LAMA3: variants seen among roughly 807,000 people sequenced by gnomAD.
LAMA3 encodes the protein laminin subunit alpha-3.
Under a neutral mutation model 402.0 loss-of-function variants are expected in LAMA3, and 281 were observed. The ratio of observed to expected loss-of-function variants is 0.70; its 90% CI spans 0.63 to 0.77. The LOEUF is 0.77. LAMA3 is among the 30% of genes least tolerant of loss of function. The pLI, the probability that LAMA3 is intolerant of heterozygous loss-of-function variation, is 0.00. For missense variants in LAMA3, 3,840 were observed against 4,215.5 expected (o/e 0.91, Z 2.47); for synonymous variants, 1,431 against 1,558.4 (o/e 0.92, Z 1.93).
At chr18:23,912,428 A>G (rs2081464078) in intron 55 of LAMA3, among the ~76,000 whole-genome samples, 1 of 152,170 alleles carries the variant, frequency 6.6e-6, no homozygotes, top group African/African-American at 2.4e-5. Context: ...CATTATCATT[A>G]TTATTATTGC....
At chr18:23,858,365 T>A (rs1374556528) in intron 33 of LAMA3, among the ~76,000 whole-genome samples, 1 of 152,136 alleles carries the variant, frequency 6.6e-6, no homozygotes, top group Non-Finnish European at 1.5e-5. Context: ...GACCTTCCAA[T>A]TCCCAGGAGA....
chr18:23,714,218 C>T, intron 2 of LAMA3, 146 bp downstream of exon 2: 4 of 882,422 alleles, frequency 4.5e-6, no homozygotes, highest in Non-Finnish European at 6.9e-6. Flanking sequence ...TTAACATTTG[C>T]TTCCCTTAAA....
At chr18:23,827,264 G>C in intron 22 of LAMA3, 50 bp from the exon 23 acceptor site, 1 of 1,591,662 alleles carries the variant, frequency 6.3e-7, no homozygotes, top group Admixed American at 1.7e-5. Context: ...TATTCCGTTT[G>C]ATGTTCTCAG....
intron 29 of LAMA3, among the ~76,000 whole-genome samples, chr18:23,843,648 GC>G (rs1170604120): frequency 2.0e-5 from 3 of 152,142 alleles, no homozygotes; most frequent in Non-Finnish European, 4.4e-5. Flanking sequence ...ATTAGAGCAT[GC>G]CCTGTGACCC....
intron 35 of LAMA3, among the ~76,000 whole-genome samples, chr18:23,863,440 A>G (rs2064274872): frequency 2.0e-5 from 3 of 152,210 alleles, no homozygotes; most frequent in African/African-American, 7.2e-5. Context: ...GCGAGACTCC[A>G]TCTCAACAAA....
At chr18:23,804,717 G>C (rs1310987868) in intron 12 of LAMA3, among the ~76,000 whole-genome samples, 1 of 152,174 alleles carries the variant, frequency 6.6e-6, no homozygotes, top group Non-Finnish European at 1.5e-5. Flanking sequence ...GTGGGGCCTG[G>C]TGGGAGGTGT....
chr18:23,914,228 C>A (rs964464990), intron 56 of LAMA3, among the ~76,000 whole-genome samples, 182 bp from the exon 57 acceptor site: 2 of 152,208 alleles, frequency 1.3e-5, no homozygotes, highest in Non-Finnish European at 2.9e-5. Flanking sequence ...GCAGAGACAG[C>A]TCTCACATTA....
intron 21 of LAMA3, among the ~76,000 whole-genome samples, chr18:23,826,380 C>T (rs2063382307): frequency 6.6e-6 from 1 of 152,218 alleles, no homozygotes; most frequent in African/African-American, 2.4e-5. Flanking sequence ...TTCCACAGAA[C>T]ATTTCATCAG....
chr18:23,717,350 G>C (rs2061119505), intron 2 of LAMA3, among the ~76,000 whole-genome samples: 1 of 152,114 alleles, frequency 6.6e-6, no homozygotes, highest in Non-Finnish European at 1.5e-5. Flanking sequence ...ATAAAATGCA[G>C]ATCATAAATT....
Position 23,889,860 on chromosome 18 carries a change from G to C in LAMA3, c.5304-151G>C, listed in dbSNP as rs976142397. 7.0e-5 allele frequency: 52 copies of C among 745,214 alleles called. 3 individuals are homozygous for C. Among genetic ancestry groups the C allele is most frequent in the South Asian group, 6.9e-4 (49 of 70,834 alleles). The allele number at this position is 745,214 out of a possible 1,614,324, so 46.2% of individuals were successfully genotyped here. The stretch of plus-strand genomic sequence containing the variant: ...GACAATTCAAGGGGTAAATACCTCT[G>C]TATTGAGAAATATTCATTCTTGCAG... On this transcript the variant is annotated intron_variant, in intron 41 of 74. Transcript: ENST00000313654.
intron 14 of LAMA3, among the ~76,000 whole-genome samples, chr18:23,813,759 C>T (rs1474241951): frequency 6.6e-6 from 1 of 151,998 alleles, no homozygotes; most frequent in Admixed American, 6.5e-5. Context: ...CTAGGCTGGT[C>T]TCGAACTCCT....
At chr18:23,932,875 C>T (rs190576913) in intron 66 of LAMA3, among the ~76,000 whole-genome samples, 4 of 152,278 alleles carry the variant, frequency 2.6e-5, no homozygotes, top group Non-Finnish European at 5.9e-5. Context: ...TGACAGGGAG[C>T]CTCCCACCCA....
Position 23,879,024 on chromosome 18 carries a change from A to C in LAMA3, c.5112+2617A>C, listed in dbSNP as rs2064813998. Among the ~76,000 whole-genome samples, 2 of 138,368 alleles carry C rather than the reference A, an allele frequency of 1.4e-5. No individual in the cohort carries two copies. Among genetic ancestry groups the C allele is most frequent in the Non-Finnish European group, 1.5e-5 (1 of 65,196 alleles). The allele number at this position is 138,368 out of a possible 152,430, so 90.8% of individuals were successfully genotyped here. ...CTCTCTACTATCCCCGTCACCCCTT[A>C]TTTTCCTCTCCGTTCCTATTTCCCT... On this transcript the variant is annotated intron_variant, in intron 39 of 74. Coordinates refer to ENST00000313654, the MANE Select transcript of LAMA3 (RefSeq NM_198129.4). This position sits in a 1 kb window ranked among gnomAD's most constrained non-coding sequence, Gnocchi z 4.2.
At chr18:23,942,255 A>G (rs1023857894) in intron 68 of LAMA3, among the ~76,000 whole-genome samples, 2 of 152,186 alleles carry the variant, frequency 1.3e-5, no homozygotes, top group Admixed American at 1.3e-4. Flanking sequence ...CATGCCTCCT[A>G]TCTGGTGTCT....
chr18:23,901,421 G>A, intron 48 of LAMA3, 98 bp downstream of exon 48: 1 of 996,156 alleles, frequency 1.0e-6, no homozygotes. Context: ...GCACCTGTCT[G>A]TACATCTCAT....
intron 12 of LAMA3, chr18:23,796,125 G>C (rs1314117012): frequency 1.2e-5 from 5 of 426,874 alleles, no homozygotes; most frequent in Non-Finnish European, 2.3e-5. Context: ...TCCAGAACTG[G>C]AGAAATAAAT....
chr18:23,723,500 A>G (rs182763126), intron 2 of LAMA3, among the ~76,000 whole-genome samples: 102 of 142,132 alleles, frequency 7.2e-4, no homozygotes, highest in African/African-American at 2.7e-3. Context: ...ATTTAGTAGG[A>G]AAAAAAAAAT....
intron 1 of LAMA3, among the ~76,000 whole-genome samples, chr18:23,704,311 A>G (rs1478717944): frequency 6.6e-6 from 1 of 152,184 alleles, no homozygotes; most frequent in African/African-American, 2.4e-5. Context: ...TCCAAATCTA[A>G]GACAGCACCT....
chr18:23,816,881 C>T (rs1386662291), intron 18 of LAMA3, among the ~76,000 whole-genome samples: 1 of 152,034 alleles, frequency 6.6e-6, no homozygotes, highest in Non-Finnish European at 1.5e-5. Flanking sequence ...GCCACACACC[C>T]AGTTGCCTGG....
Sources: allele counts gnomAD v4.1 joint callset (sites outside exome capture counted in the v4.1 genomes callset), GRCh38; gene constraint gnomAD v4.1.1; non-coding constraint Gnocchi (gnomAD v3.1); transcripts MANE v1.5; gene names NCBI Gene and HGNC (gene_info 2026-07-23, HGNC 2026-07-21).